The following EPHA6 variants were observed in gnomAD, a reference collection of about 807,000 sequenced individuals.
EPHA6 encodes the protein ephrin type-A receptor 6.
A neutral mutation model predicts 112.0 loss-of-function variants in EPHA6; 50 were observed. The ratio of observed to expected loss-of-function variants is 0.45; its 90% CI spans 0.36 to 0.56. The LOEUF (loss-of-function observed/expected upper bound fraction) is 0.56. Among genes scored for constraint, EPHA6 ranks in the 20% least tolerant of loss-of-function variants. The pLI, the probability that EPHA6 is intolerant of heterozygous loss-of-function variation, is 0.00. For synonymous variants in EPHA6, 529 were observed against 490.7 expected (o/e 1.08, Z -1.03); for missense variants, 1,280 against 1,417.4 (o/e 0.90, Z 1.56).
At chr3:97,736,981 T>G (rs1379904575) in intron 16 of EPHA6, among the ~76,000 whole-genome samples, 1 of 152,000 alleles carries the variant, frequency 6.6e-6, no homozygotes, top group Non-Finnish European at 1.5e-5. Context: ...CAGTGCAGGT[T>G]TTTAGTGACA....
At chr3:97,436,129 G>A (rs1373024395) in intron 6 of EPHA6, among the ~76,000 whole-genome samples, 1 of 152,034 alleles carries the variant, frequency 6.6e-6, no homozygotes, top group Non-Finnish European at 1.5e-5. Context: ...GCACACATTT[G>A]ATATCTTCTG....
At position 97,508,684 on chromosome 3, in the gene EPHA6, A is replaced by G. The variant is rs551103148; in HGVS notation, c.2201-23674A>G. On this transcript the variant is annotated intron_variant, in intron 10 of 17. Coordinates refer to ENST00000389672, the MANE Select transcript of EPHA6 (RefSeq NM_001080448.3). ...GATGTCTATTAGGTCCACTTGGTCC[A>G]GAGCTGAGTTCAAGTCCTGAATATC... Among the ~76,000 whole-genome samples, 18 of 152,286 alleles carry G rather than the reference A, an allele frequency of 1.2e-4. 1 individual carries two copies. In the South Asian group the frequency reaches 3.7e-3, roughly 32 times the overall value.
At chr3:97,556,237 C>T (rs180981457) in intron 11 of EPHA6, among the ~76,000 whole-genome samples, 16 of 152,178 alleles carry the variant, frequency 1.1e-4, no homozygotes, top group Non-Finnish European at 1.9e-4. Context: ...CCTGGTGCTT[C>T]CTCGTGTGAC....
intron 14 of EPHA6, among the ~76,000 whole-genome samples, chr3:97,711,702 T>C (rs530593711): frequency 2.6e-5 from 4 of 152,278 alleles, no homozygotes; most frequent in Admixed American, 6.5e-5. Flanking sequence ...ATCTGGGCCC[T>C]CAGTAGATTG....
intron 3 of EPHA6, among the ~76,000 whole-genome samples, chr3:97,133,059 G>T (rs1307243538): frequency 2.6e-5 from 4 of 152,060 alleles, no homozygotes; most frequent in African/African-American, 9.6e-5. Context: ...TGACAGAATG[G>T]AAAGTAAAGG....
chr3:96,922,559 TATG>T (rs1030492699), intron 2 of EPHA6, among the ~76,000 whole-genome samples: 1 of 152,238 alleles, frequency 6.6e-6, no homozygotes, highest in African/African-American at 2.4e-5. Context: ...ATTAAAATGT[TATG>T]ATATCTAAAA....
At chr3:97,419,023 G>A (rs2088371625) in intron 6 of EPHA6, among the ~76,000 whole-genome samples, 2 of 152,220 alleles carry the variant, frequency 1.3e-5, no homozygotes, top group South Asian at 4.1e-4. Flanking sequence ...AATTTAACAG[G>A]GCCAGGCACT....
intron 10 of EPHA6, among the ~76,000 whole-genome samples, chr3:97,531,931 G>A (rs1460371477): frequency 1.3e-5 from 2 of 151,940 alleles, no homozygotes; most frequent in African/African-American, 4.8e-5. Context: ...ATGACGCCCA[G>A]TCATATGACC....
chr3:97,760,444 T>C lies in EPHA6; in HGVS notation c.*11743T>C, dbSNP rs2036133033. ...TCTAGGTTGTATGTAATTCAATATGTTGGAATTTAAAGATGCATTATTATT... is the reference window on the plus strand; with the variant it reads ...TCTAGGTTGTATGTAATTCAATATGCTGGAATTTAAAGATGCATTATTATT... On this transcript the variant is annotated 3_prime_UTR_variant, in exon 18 of 18. Transcript: ENST00000389672. 1 of 172,398 alleles carries C rather than the reference T, an allele frequency of 5.8e-6. No individual in the cohort carries two copies. The highest frequency in any genetic ancestry group is 6.4e-5 in the Admixed American group (1 of 15,558). The allele number at this position is 172,398 out of a possible 1,614,324, so 10.7% of individuals were successfully genotyped here.
intron 5 of EPHA6, among the ~76,000 whole-genome samples, chr3:97,371,877 G>A (rs764179411): frequency 1.1e-4 from 16 of 152,002 alleles, no homozygotes; most frequent in South Asian, 2.1e-4. Flanking sequence ...AATAAGTCCC[G>A]GTCTCCCATA....
chr3:97,686,078 C>G (rs1445508754), intron 14 of EPHA6, among the ~76,000 whole-genome samples: 1 of 152,036 alleles, frequency 6.6e-6, no homozygotes, highest in Non-Finnish European at 1.5e-5. Context: ...AGCTTAAACT[C>G]TCATTCATTA....
At chr3:97,329,097 G>C (rs1157151820) in intron 5 of EPHA6, among the ~76,000 whole-genome samples, 3 of 152,050 alleles carry the variant, frequency 2.0e-5, no homozygotes, top group East Asian at 3.9e-4. Flanking sequence ...ATAGTTTGCT[G>C]AGAATGATGG....
intron 14 of EPHA6, among the ~76,000 whole-genome samples, chr3:97,646,659 C>G (rs1410603657): frequency 6.6e-6 from 1 of 152,164 alleles, no homozygotes; most frequent in Non-Finnish European, 1.5e-5. Context: ...TGCCAGCCAC[C>G]AGAAACAGGA....
chr3:97,485,542 C>A (rs185406092), intron 10 of EPHA6, among the ~76,000 whole-genome samples: 5 of 152,252 alleles, frequency 3.3e-5, no homozygotes. Context: ...TCCTGCATGG[C>A]TGGGTCTCCC....
At chr3:97,293,668 A>G (rs544125561) in intron 5 of EPHA6, among the ~76,000 whole-genome samples, 4 of 152,346 alleles carry the variant, frequency 2.6e-5, no homozygotes, top group South Asian at 2.1e-4. Context: ...GAAAAAGCCC[A>G]TAAGTTCCCA....
At chr3:97,309,172 A>G (rs908392286) in intron 5 of EPHA6, among the ~76,000 whole-genome samples, 2 of 151,338 alleles carry the variant, frequency 1.3e-5, no homozygotes, top group African/African-American at 4.9e-5. Context: ...GTATTGTAAA[A>G]CAATTTTTAA....
chr3:97,500,490 A>G (rs1323801299), intron 10 of EPHA6, among the ~76,000 whole-genome samples: 1 of 152,072 alleles, frequency 6.6e-6, no homozygotes, highest in African/African-American at 2.4e-5. Context: ...GTAAACGACC[A>G]GATCTCGCTA....
chr3:97,104,957 T>A (rs2047519983), intron 3 of EPHA6, among the ~76,000 whole-genome samples: 1 of 152,112 alleles, frequency 6.6e-6, no homozygotes, highest in African/African-American at 2.4e-5. Context: ...TCTCTGATGC[T>A]TGCTTGTATT....
Position 96,921,268 on chromosome 3 carries a change from TAGA to T in EPHA6, c.450+54383_450+54385del, listed in dbSNP as rs533074975. 6.6e-5 allele frequency among the ~76,000 whole-genome samples: 10 copies of T among 152,208 alleles called. No individual in the cohort carries two copies. In the East Asian group the frequency reaches 1.2e-3, roughly 18 times the overall value. ...ACTTTTTTTTCAGATCATACATAAA[TAGA>T]AGAGCATATTAGCTACATAAATCCT... On this transcript the variant is annotated intron_variant, in intron 2 of 17. Transcript: ENST00000389672.
Sources: allele counts gnomAD v4.1 joint callset (sites outside exome capture counted in the v4.1 genomes callset), GRCh38; gene constraint gnomAD v4.1.1; transcripts MANE v1.5; gene names NCBI Gene and HGNC (gene_info 2026-07-23, HGNC 2026-07-21).